The following GAN variants were observed in gnomAD, a reference collection of about 807,000 sequenced individuals.
GAN encodes the protein epididymis secretory sperm binding protein.
A neutral mutation model predicts 71.3 loss-of-function variants in GAN; 48 were observed. The observed-to-expected ratio is 0.67, with a 90% CI of 0.53 to 0.86. GAN has a LOEUF of 0.86. GAN is among the 40% of genes least tolerant of loss of function. GAN has a pLI of 0.00. For synonymous variants in GAN, 386 were observed against 276.8 expected (o/e 1.39, Z -3.92); for missense variants, 928 against 770.1 (o/e 1.21, Z -2.43).
At chr16:81,361,096 G>A (rs965910615) in intron 5 of GAN, among the ~76,000 whole-genome samples, 9 of 152,162 alleles carry the variant, frequency 5.9e-5, no homozygotes, top group South Asian at 2.1e-4. Flanking sequence ...GTGGTGGCAT[G>A]TGCCTGTAAT....
At position 81,390,060 on chromosome 16, in the gene GAN, T is replaced by C. The variant is rs1455257351; in HGVS notation, c.*12464T>C. 1 of 152,190 alleles carries C rather than the reference T, an allele frequency of 6.6e-6. No individual in the cohort carries two copies. Among genetic ancestry groups the C allele is most frequent in the African/African-American group, 2.4e-5 (1 of 41,446 alleles). The allele number at this position is 152,190 out of a possible 1,614,324, so 9.4% of individuals were successfully genotyped here. ...CCAAGTAGGTCTGCTTAGACACATA[T>C]TCAGTGAAGATTGTATTGTGTGTGA... is the stretch of plus-strand genomic sequence containing the variant. On this transcript the variant is annotated 3_prime_UTR_variant, in exon 11 of 11. Coordinates refer to ENST00000648994, the MANE Select transcript of GAN (RefSeq NM_022041.4).
chr16:81,360,052 TGG>T (rs879724193), intron 5 of GAN, among the ~76,000 whole-genome samples: 33,367 of 143,994 alleles, frequency 0.23, 4,060 homozygotes, highest in Non-Finnish European at 0.29. Flanking sequence ...GATGGATGGA[TGG>T]ATGGATGGAT....
chr16:81,332,152 A>T (rs966728047), intron 1 of GAN, among the ~76,000 whole-genome samples: 1 of 148,602 alleles, frequency 6.7e-6, no homozygotes, highest in Non-Finnish European at 1.5e-5. Flanking sequence ...CGAGAGGGAA[A>T]ATCTGTCTCA....
At chr16:81,362,715 G>C (rs1567494941) in intron 6 of GAN, 104 bp downstream of exon 6, 3 of 747,792 alleles carry the variant, frequency 4.0e-6, no homozygotes, top group Non-Finnish European at 7.3e-6. Flanking sequence ...GCCTTGTCAA[G>C]CCACCTGCCT....
At chr16:81,316,331 C>T (rs868417731) in intron 1 of GAN, among the ~76,000 whole-genome samples, 4 of 131,862 alleles carry the variant, frequency 3.0e-5, no homozygotes, top group Non-Finnish European at 6.4e-5. Context: ...CGCTTTGTCC[C>T]AGCAAAACCA....
At chr16:81,325,823 A>G (rs563274521) in intron 1 of GAN, among the ~76,000 whole-genome samples, 7 of 152,248 alleles carry the variant, frequency 4.6e-5, no homozygotes, top group Non-Finnish European at 1.0e-4. Context: ...TTGAATTTGA[A>G]TTAACATTGC....
intron 1 of GAN, among the ~76,000 whole-genome samples, chr16:81,318,359 T>C (rs554122275): frequency 1.3e-5 from 2 of 152,176 alleles, no homozygotes; most frequent in Admixed American, 6.5e-5. Flanking sequence ...TGTGTGATTG[T>C]GTGGTTTAGA....
At chr16:81,338,191 A>AT (rs1010625275) in intron 1 of GAN, among the ~76,000 whole-genome samples, 3 of 152,170 alleles carry the variant, frequency 2.0e-5, no homozygotes, top group Non-Finnish European at 4.4e-5. Context: ...ATTGTTTCTA[A>AT]TTTTTTTTAG....
At chr16:81,332,870 C>A (rs1251652480) in intron 1 of GAN, among the ~76,000 whole-genome samples, 1 of 152,206 alleles carries the variant, frequency 6.6e-6, no homozygotes. Context: ...TTCAGTGCAT[C>A]ATATCAGGAG....
intron 1 of GAN, among the ~76,000 whole-genome samples, chr16:81,317,587 A>G (rs993132612): frequency 6.6e-6 from 1 of 152,256 alleles, no homozygotes; most frequent in East Asian, 1.9e-4. Context: ...CACTTTCTAA[A>G]TAAGAAAATA....
chr16:81,356,203 C>T (rs187755928), intron 3 of GAN, among the ~76,000 whole-genome samples: 53 of 151,924 alleles, frequency 3.5e-4, no homozygotes, highest in Admixed American at 2.0e-3. Flanking sequence ...TTATAAAATA[C>T]TTTCGTCAGT....
At chr16:81,315,954 A>T (rs1909025507) in intron 1 of GAN, among the ~76,000 whole-genome samples, 3 of 152,260 alleles carry the variant, frequency 2.0e-5, no homozygotes, top group African/African-American at 7.2e-5. Context: ...AAGAGGAGTT[A>T]CACGTTGAAG....
intron 9 of GAN, among the ~76,000 whole-genome samples, chr16:81,366,732 C>T (rs1004482924): frequency 2.6e-5 from 4 of 152,094 alleles, no homozygotes; most frequent in Non-Finnish European, 5.9e-5. Context: ...AGAATACTTG[C>T]TGTGGTAGGG....
chr16:81,358,050 T>C, intron 5 of GAN, 119 bp downstream of exon 5: 1 of 885,692 alleles, frequency 1.1e-6, no homozygotes, highest in Non-Finnish European at 1.8e-6. Context: ...ACATGACATT[T>C]TTAGTGTAGT....
intron 1 of GAN, among the ~76,000 whole-genome samples, chr16:81,326,344 A>C (rs1909385580): frequency 7.1e-6 from 1 of 139,886 alleles, no homozygotes; most frequent in East Asian, 2.1e-4. Flanking sequence ...GTGGAGAAAC[A>C]CCATCTCTAC....
chr16:81,358,114 A>G (rs1910552525), intron 5 of GAN, among the ~76,000 whole-genome samples, 183 bp downstream of exon 5: 1 of 152,182 alleles, frequency 6.6e-6, no homozygotes, highest in African/African-American at 2.4e-5. Flanking sequence ...AGTCCTTATT[A>G]TCTCTGTATC....
At chr16:81,371,535 C>T (rs555510675) in intron 9 of GAN, among the ~76,000 whole-genome samples, 98 of 152,314 alleles carry the variant, frequency 6.4e-4, no homozygotes, top group Middle Eastern at 3.4e-3. Flanking sequence ...GCTGAAATCT[C>T]AGTCCAGTTC....
intron 1 of GAN, among the ~76,000 whole-genome samples, chr16:81,336,430 T>C (rs1458855788): frequency 6.6e-6 from 1 of 152,150 alleles, no homozygotes; most frequent in Non-Finnish European, 1.5e-5. Flanking sequence ...TTAAGTTGAA[T>C]GGGTACTAAA....
chr16:81,376,631 CATATATGTGTGTAT>C (rs1441051952), intron 9 of GAN, among the ~76,000 whole-genome samples: 1 of 147,548 alleles, frequency 6.8e-6, no homozygotes, highest in Non-Finnish European at 1.5e-5. Context: ...TATATACATA[CATATATGTGTGTAT>C]ATATGTGTGT....
Sources: allele counts gnomAD v4.1 joint callset (sites outside exome capture counted in the v4.1 genomes callset), GRCh38; gene constraint gnomAD v4.1.1; transcripts MANE v1.5; gene names NCBI Gene and HGNC (gene_info 2026-07-23, HGNC 2026-07-21).